PAXBP1: variants seen among roughly 807,000 people sequenced by gnomAD.
PAXBP1 encodes PAX3 and PAX7 binding protein 1.
In PAXBP1, 44 loss-of-function variants were observed where a neutral mutation model predicts 119.9. The ratio of observed to expected loss-of-function variants is 0.37; its 90% CI spans 0.29 to 0.47. PAXBP1 has a LOEUF of 0.47. Among genes scored for constraint, PAXBP1 ranks in the 20% least tolerant of loss-of-function variants. The pLI, the probability that PAXBP1 is intolerant of heterozygous loss-of-function variation, is 0.99. For synonymous variants in PAXBP1, 393 were observed against 406.6 expected (o/e 0.97, Z 0.40); for missense variants, 898 against 1,134.1 (o/e 0.79, Z 2.99).
Position 32,734,936 on chromosome 21 carries a change from T to G in PAXBP1, c.*14A>C. 6.3e-7 allele frequency: 1 copy of G among 1,589,828 alleles called. No homozygotes were observed. The highest frequency in any genetic ancestry group is 8.6e-7 in the Non-Finnish European group (1 of 1,158,348). On this transcript the variant is annotated 3_prime_UTR_variant, in exon 18 of 18. Transcript: ENST00000331923. ...AATGGTAATCAAGCAAATAGGTTTT[T>G]CAGTCTCATAGATCTATTTTCCTTC... is the stretch of plus-strand genomic sequence containing the variant.
chr21:32,750,062 T>TTAATA (rs768463003), intron 10 of PAXBP1, among the ~76,000 whole-genome samples: 29 of 152,114 alleles, frequency 1.9e-4, no homozygotes, highest in Non-Finnish European at 4.1e-4. Flanking sequence ...AAGAAATCTG[T>TTAATA]TTTCTTATTG....
intron 7 of PAXBP1, 52 bp downstream of exon 7, chr21:32,759,028 G>C (rs2044091269): frequency 1.0e-5 from 16 of 1,559,708 alleles, no homozygotes; most frequent in South Asian, 4.7e-5. Context: ...AGGCCATCTA[G>C]ACCTCCCTAA....
intron 11 of PAXBP1, 66 bp downstream of exon 11, chr21:32,748,433 C>A: frequency 6.7e-7 from 1 of 1,493,136 alleles, no homozygotes; most frequent in African/African-American, 1.4e-5. Flanking sequence ...ACATCTCTAG[C>A]TTTGAGATTA....
In PAXBP1 at chr21:32,767,236, T is replaced by C. The variant is rs144262458; in HGVS notation, c.472+2578A>G. On this transcript the variant is annotated intron_variant, in intron 2 of 17. Coordinates refer to ENST00000331923, the MANE Select transcript of PAXBP1 (RefSeq NM_016631.4). The stretch of plus-strand genomic sequence containing the variant: ...AATACCGTGGTTATTTTGAAGTTAA[T>C]TGTCTCTGCCTACTATAGAGGGTTG... Among the ~76,000 whole-genome samples, 430 of 152,342 alleles carry C rather than the reference T, an allele frequency of 2.8e-3. 4 individuals are homozygous for C. Among genetic ancestry groups the C allele is most frequent in the African/African-American group, 8.4e-3 (349 of 41,572 alleles).
At chr21:32,740,279 C>A (rs2043761791) in intron 15 of PAXBP1, among the ~76,000 whole-genome samples, 1 of 152,214 alleles carries the variant, frequency 6.6e-6, no homozygotes, top group Non-Finnish European at 1.5e-5. Context: ...TGAGCTGTCT[C>A]CACCTTTCTG....
chr21:32,765,959 A>T (rs2044235011), intron 2 of PAXBP1, among the ~76,000 whole-genome samples: 1 of 152,040 alleles, frequency 6.6e-6, no homozygotes, highest in Admixed American at 6.6e-5. Flanking sequence ...ATATGGTAAG[A>T]CCCTGTCTCT....
At position 32,771,722 on chromosome 21, in the gene PAXBP1, G is replaced by A. The variant is rs1339894471; in HGVS notation, c.-54C>T. ...TCGCTTCCACACCGCGGCCCCGGCA[G>A]CGCCGAGCTCGTGACGGCGCACGCG... On this transcript the variant is annotated 5_prime_UTR_variant, in exon 1 of 18. Coordinates refer to ENST00000331923, the MANE Select transcript of PAXBP1 (RefSeq NM_016631.4). The A allele has an allele frequency of 6.0e-6, 8 of 1,327,144 alleles. No homozygotes were observed. The highest frequency in any genetic ancestry group is 7.7e-6 in the Non-Finnish European group (8 of 1,035,478). 82.2% of individuals were successfully genotyped at this position (1,327,144 alleles called of 1,614,324 possible).
chr21:32,759,728 G>C, intron 6 of PAXBP1, 49 bp downstream of exon 6: 1 of 1,488,698 alleles, frequency 6.7e-7, no homozygotes. Flanking sequence ...TGTTGCCTGA[G>C]GGAACAGAAA....
At position 32,759,161 on chromosome 21, in the gene PAXBP1, A is replaced by G. The variant is rs754215654; in HGVS notation, c.1302T>C (p.Ser434=). The change falls in exon 7 of 18, where the codon TCT becomes TCC. Residue 434 remains serine, a synonymous_variant. Coordinates refer to ENST00000331923, the MANE Select transcript of PAXBP1 (RefSeq NM_016631.4). The part of the protein sequence containing the change: ...TRAIERLEGS[S]GGIGERYKFL... The stretch of plus-strand genomic sequence containing the variant: ...ATTTATACCGTTCACCAATACCCCC[A>G]GAAGACCCTTCTAATCTTTCAATAG... The G allele has an allele frequency of 1.2e-6, 2 of 1,614,074 alleles. No homozygotes were observed. Among genetic ancestry groups the G allele is most frequent in the Non-Finnish European group, 1.7e-6 (2 of 1,179,952 alleles).
chr21:32,761,966 G>A (rs548770876), intron 4 of PAXBP1, 130 bp downstream of exon 4: 9 of 902,890 alleles, frequency 1.0e-5, no homozygotes, highest in Admixed American at 2.6e-5. Flanking sequence ...TTGAGTCCAC[G>A]AGTCAAGACA....
chr21:32,750,819 T>C, intron 10 of PAXBP1, 98 bp downstream of exon 10: 2 of 869,450 alleles, frequency 2.3e-6, no homozygotes, highest in Non-Finnish European at 3.6e-6. Context: ...CTGGTTCTAA[T>C]GCAGAGACCA....
At chr21:32,757,854 C>T (rs1487316640) in intron 7 of PAXBP1, among the ~76,000 whole-genome samples, 1 of 152,224 alleles carries the variant, frequency 6.6e-6, no homozygotes, top group African/African-American at 2.4e-5. Flanking sequence ...CAACTCTTGA[C>T]ACTTAGGTTC....
At chr21:32,754,176 C>T (rs1446081684) in intron 8 of PAXBP1, among the ~76,000 whole-genome samples, 1 of 152,130 alleles carries the variant, frequency 6.6e-6, no homozygotes, top group Admixed American at 6.5e-5. Context: ...TTCAGGGATC[C>T]TATGTCTCTC....
intron 13 of PAXBP1, among the ~76,000 whole-genome samples, 157 bp from the exon 14 acceptor site, chr21:32,743,911 T>C (rs753166444): frequency 3.9e-5 from 6 of 152,212 alleles, no homozygotes; most frequent in Non-Finnish European, 7.3e-5. Context: ...TAATACTTAA[T>C]AATCTATTAG....
intron 15 of PAXBP1, among the ~76,000 whole-genome samples, chr21:32,740,525 GC>G (rs2043764910): frequency 6.6e-6 from 1 of 152,202 alleles, no homozygotes; most frequent in African/African-American, 2.4e-5. Context: ...AAAGGCTATC[GC>G]CTTTTCAACA....
Position 32,744,804 on chromosome 21 carries a change from A to AT in PAXBP1, c.2177dup (p.Asn726LysfsTer2). ...GATACTAAATTACCTGTGTATTTTT[A>AT]TTTTCTGCATTCACTACTGAAGGAT... On this transcript the variant is annotated frameshift_variant, in exon 13 of 18. Transcript: ENST00000331923. LOFTEE classifies it high-confidence loss of function. The AT allele has an allele frequency of 6.3e-7, 1 of 1,577,384 alleles. No homozygotes were observed. The highest frequency in any genetic ancestry group is 8.6e-7 in the Non-Finnish European group (1 of 1,165,824).
Position 32,764,487 on chromosome 21 carries a change from A to T in PAXBP1, c.510T>A (p.Asp170Glu), listed in dbSNP as rs764034977. Residue 170 changes from aspartate to glutamate, a missense_variant, in exon 3 of 18, where the codon GAT becomes GAA. Physicochemically the swap from Asp to Glu is conservative, Grantham distance 45. Coordinates refer to ENST00000331923, the MANE Select transcript of PAXBP1 (RefSeq NM_016631.4). Reference sequence around the variant, plus strand: ...TGATAACTCCATCTTCTTGATTTGTATCCTTAACATGTCCTGTTTTGTCCA... The same window carrying T: ...TGATAACTCCATCTTCTTGATTTGTTTCCTTAACATGTCCTGTTTTGTCCA... Reference protein sequence around the residue: ...QPLDKTGHVKDTNQEDGVIIS... With the variant: ...QPLDKTGHVKETNQEDGVIIS... 7.4e-6 allele frequency: 12 copies of T among 1,613,422 alleles called. 1 individual carries two copies. In the Admixed American group the frequency reaches 2.0e-4, roughly 27 times the overall value.
chr21:32,770,987 A>G (rs993718136), intron 1 of PAXBP1, among the ~76,000 whole-genome samples: 2 of 152,230 alleles, frequency 1.3e-5, no homozygotes, highest in Non-Finnish European at 2.9e-5. Flanking sequence ...GCATGCCAAG[A>G]GCAGCCAGGG....
Position 32,759,184 on chromosome 21 carries a change from T to C in PAXBP1, c.1279A>G (p.Ile427Val). 1 of 1,614,084 alleles carries C rather than the reference T, an allele frequency of 6.2e-7. No homozygotes were observed. The highest frequency in any genetic ancestry group is 8.5e-7 in the Non-Finnish European group (1 of 1,179,936). Residue 427 changes from isoleucine to valine, a missense_variant, in exon 7 of 18, where the codon ATT becomes GTT. This residue lies in a region of PAXBP1 where 599 missense variants were observed against 852.7 expected (regional missense o/e 0.70). Coordinates refer to ENST00000331923, the MANE Select transcript of PAXBP1 (RefSeq NM_016631.4). Reference protein sequence around the residue: ...LQSRVDSTRAIERLEGSSGGI... With the variant: ...LQSRVDSTRAVERLEGSSGGI... ...CCAGAAGACCCTTCTAATCTTTCAA[T>C]AGCCCTGGTAGAGTCCACTCGGCTT...
Sources: gnomAD v4.1 joint callset for allele counts (sites outside exome capture counted in the v4.1 genomes callset) on GRCh38, gnomAD v4.1.1 for gene constraint, gnomAD v4.1.1 regional missense constraint, MANE v1.5 for transcripts, NCBI Gene and HGNC (gene_info 2026-07-23, HGNC 2026-07-21) for gene names.